GFRA1: variants seen among roughly 807,000 people sequenced by gnomAD.
GFRA1 encodes the protein GDNF family receptor alpha-1.
Under a neutral mutation model 51.6 loss-of-function variants are expected in GFRA1, and 16 were observed. That is an observed-to-expected ratio of 0.31 (90% CI 0.21 to 0.47). GFRA1 has a LOEUF of 0.47. Ranked by LOEUF, GFRA1 falls within the 20% of genes least tolerant of loss-of-function variation. The pLI, the probability that GFRA1 is intolerant of heterozygous loss-of-function variation, is 1.00. For missense variants in GFRA1, 530 were observed against 594.3 expected, an observed-to-expected ratio of 0.89 and a Z score of 1.13; for synonymous variants, 270 against 241.3, an observed-to-expected ratio of 1.12 and a Z score of -1.10.
Position 116,149,118 on chromosome 10 carries a change from C to T in GFRA1, c.434-23561G>A, listed in dbSNP as rs1589825919. Among the ~76,000 whole-genome samples the T allele has an allele frequency of 3.3e-5, 5 of 152,188 alleles. No individual in the cohort carries two copies. In the Middle Eastern group the frequency reaches 0.014, roughly 417 times the overall value. Reference sequence around the variant, plus strand: ...TAGACACATCTTTAAAATATGCTTCCAGGATGCTCCTGGAAAACAGGAGAT... The same window carrying T: ...TAGACACATCTTTAAAATATGCTTCTAGGATGCTCCTGGAAAACAGGAGAT... On this transcript the variant is annotated intron_variant, in intron 5 of 10. Coordinates refer to ENST00000355422, the MANE Select transcript of GFRA1 (RefSeq NM_005264.8).
intron 5 of GFRA1, among the ~76,000 whole-genome samples, chr10:116,184,004 C>G (rs1379137437): frequency 1.3e-5 from 2 of 152,236 alleles, no homozygotes; most frequent in South Asian, 2.1e-4. Flanking sequence ...TGCTTGGGAG[C>G]ACTCCAGGGC....
At chr10:116,234,205 A>C (rs1966841205) in intron 4 of GFRA1, among the ~76,000 whole-genome samples, 1 of 152,148 alleles carries the variant, frequency 6.6e-6, no homozygotes, top group Non-Finnish European at 1.5e-5. Context: ...TTCCCCCTTC[A>C]GTGAAACTTT....
intron 4 of GFRA1, among the ~76,000 whole-genome samples, chr10:116,218,889 T>C (rs2134483355): frequency 1.3e-5 from 2 of 152,344 alleles, no homozygotes; most frequent in South Asian, 4.1e-4. Flanking sequence ...TTTTCATTGC[T>C]GCTGGCCTCC....
At chr10:116,081,158 G>A (rs1362061348) in intron 9 of GFRA1, among the ~76,000 whole-genome samples, 5 of 152,178 alleles carry the variant, frequency 3.3e-5, no homozygotes, top group Non-Finnish European at 7.3e-5. Context: ...AGGAACCCCT[G>A]GATTTGTAAC....
At chr10:116,077,766 T>C (rs1955678875) in intron 9 of GFRA1, among the ~76,000 whole-genome samples, 1 of 152,220 alleles carries the variant, frequency 6.6e-6, no homozygotes, top group African/African-American at 2.4e-5. Flanking sequence ...AACAGCTGCT[T>C]CAGCAAGGCA....
At position 116,089,855 on chromosome 10, in the gene GFRA1, C is replaced by T. The variant is rs113095854; in HGVS notation, c.1083G>A (p.Gln361=). 22 of 1,614,046 alleles carry T rather than the reference C, an allele frequency of 1.4e-5. No individual in the cohort carries two copies. Among genetic ancestry groups the T allele is most frequent in the African/African-American group, 1.3e-4 (10 of 75,036 alleles). The change falls in exon 9 of 11, where the codon CAG becomes CAA. Residue 361 remains glutamine (Q), a synonymous_variant. Transcript: ENST00000355422. ...CAGTGGTGGTAGTGGCAGTGGTGGT[C>T]TGTACTGGGAAGGCTGGCTGCCACA... is the stretch of plus-strand genomic sequence containing the variant. ...VTVWQPAFPV[Q]TTTATTTTAL...
intron 5 of GFRA1, among the ~76,000 whole-genome samples, chr10:116,142,044 A>G (rs1958593649): frequency 6.6e-6 from 1 of 152,198 alleles, no homozygotes; most frequent in Admixed American, 6.5e-5. Context: ...TAGATGACCA[A>G]ACAAAAGATT....
chr10:116,185,935 C>T (rs11197574), intron 5 of GFRA1, among the ~76,000 whole-genome samples: 3,593 of 152,284 alleles, frequency 0.024, 149 homozygotes, highest in African/African-American at 0.083. Context: ...AGTGGATATC[C>T]AGACATGGAG....
intron 6 of GFRA1, 111 bp from the exon 7 acceptor site, chr10:116,096,875 G>GCACA (rs757516182): frequency 1.1e-4 from 50 of 474,110 alleles, no homozygotes; most frequent in East Asian, 8.6e-4. Flanking sequence ...TTCTGCACAC[G>GCACA]CACACGCACA....
chr10:116,255,834 T>A lies in GFRA1; in HGVS notation c.418+13669A>T. 4.0e-6 allele frequency: 4 copies of A among 989,604 alleles called. No homozygotes were observed. In the South Asian group the frequency reaches 4.4e-5, roughly 11 times the overall value. 61.3% of individuals were successfully genotyped at this position (989,604 alleles called of 1,614,324 possible). On this transcript the variant is annotated intron_variant, in intron 4 of 10. Coordinates refer to ENST00000355422, the MANE Select transcript of GFRA1 (RefSeq NM_005264.8). Reference sequence around the variant, plus strand: ...CAGTCAGTTCGCAAAAAACCTGAGTTACTGCTTAAGTGTAGAGTAGAAAAT... The same window carrying A: ...CAGTCAGTTCGCAAAAAACCTGAGTAACTGCTTAAGTGTAGAGTAGAAAAT...
chr10:116,227,820 C>T (rs1966406701), intron 4 of GFRA1, among the ~76,000 whole-genome samples: 2 of 152,168 alleles, frequency 1.3e-5, no homozygotes, highest in Admixed American at 6.5e-5. Flanking sequence ...GAGAGTGTAC[C>T]AAGTATCATG....
At chr10:116,087,277 G>A (rs1249237041) in intron 9 of GFRA1, among the ~76,000 whole-genome samples, 2 of 68 alleles carry the variant, frequency 0.029, no homozygotes, top group Admixed American at 0.1. Flanking sequence ...GGCGGGGGGC[G>A]GAGGGACAGG....
chr10:116,248,544 G>A (rs954712116), intron 4 of GFRA1, among the ~76,000 whole-genome samples: 1 of 152,176 alleles, frequency 6.6e-6, no homozygotes, highest in African/African-American at 2.4e-5. Context: ...AGGGCTCATT[G>A]TTTCTAATTA....
intron 9 of GFRA1, among the ~76,000 whole-genome samples, chr10:116,084,512 C>A (rs1299415056): frequency 1.3e-5 from 2 of 152,154 alleles, no homozygotes. Context: ...AGCGTGTGCC[C>A]CACGGTCTGT....
intron 5 of GFRA1, among the ~76,000 whole-genome samples, chr10:116,149,894 T>C (rs1057004513): frequency 6.6e-6 from 1 of 152,180 alleles, no homozygotes; most frequent in Non-Finnish European, 1.5e-5. Context: ...GAGAGACTCA[T>C]GCAGAAACGC....
At chr10:116,115,983 G>A (rs1015257275) in intron 6 of GFRA1, among the ~76,000 whole-genome samples, 9 of 152,074 alleles carry the variant, frequency 5.9e-5, no homozygotes, top group Non-Finnish European at 7.4e-5. Flanking sequence ...TGAAGTCCAG[G>A]GACCCATAGA....
intron 6 of GFRA1, among the ~76,000 whole-genome samples, chr10:116,101,433 A>G (rs368745615): frequency 5.3e-5 from 8 of 152,224 alleles, no homozygotes; most frequent in African/African-American, 1.9e-4. Flanking sequence ...CCCTTAAAGA[A>G]GAGGAAAAGG....
At chr10:116,206,656 C>T (rs1964789295) in intron 5 of GFRA1, among the ~76,000 whole-genome samples, 1 of 121,154 alleles carries the variant, frequency 8.3e-6, no homozygotes, top group Non-Finnish European at 1.6e-5. Context: ...GAGACGGAGC[C>T]TCACTCTGTC....
rs1954575765 is a variant in GFRA1 at position 116,056,991 on chromosome 10, A to G, written c.*7407T>C. 1 of 152,224 alleles carries G rather than the reference A, an allele frequency of 6.6e-6. No individual in the cohort carries two copies. Among genetic ancestry groups the G allele is most frequent in the African/African-American group, 2.4e-5 (1 of 41,448 alleles). The allele number at this position is 152,224 out of a possible 1,614,324, so 9.4% of individuals were successfully genotyped here. Reference sequence around the variant, plus strand: ...GGGTGAGAGGATGGCCAAAGGGACTATGTACATTCTGTAGTGCTTGAGCAA... The same window carrying G: ...GGGTGAGAGGATGGCCAAAGGGACTGTGTACATTCTGTAGTGCTTGAGCAA... On this transcript the variant is annotated 3_prime_UTR_variant, in exon 11 of 11. Coordinates refer to ENST00000355422, the MANE Select transcript of GFRA1 (RefSeq NM_005264.8).
Sources: gnomAD v4.1 joint callset for allele counts (sites outside exome capture counted in the v4.1 genomes callset) on GRCh38, gnomAD v4.1.1 for gene constraint, MANE v1.5 for transcripts, NCBI Gene and HGNC (gene_info 2026-07-23, HGNC 2026-07-21) for gene names.